Variants in STRA6 observed in about 807,000 individuals in gnomAD.
The protein encoded by STRA6 is receptor for retinol uptake STRA6.
In STRA6, 48 loss-of-function variants were observed where a neutral mutation model predicts 83.6. That is an observed-to-expected ratio of 0.57 (90% CI 0.46 to 0.73). The LOEUF (loss-of-function observed/expected upper bound fraction) is 0.73, where lower values mean the gene tolerates loss of function less well. STRA6 is among the 30% of genes least tolerant of loss of function. The pLI, the probability that STRA6 is intolerant of heterozygous loss-of-function variation, is 0.00. For synonymous variants in STRA6, 353 were observed against 362.3 expected (o/e 0.97, Z 0.29); for missense variants, 760 against 838.8 (o/e 0.91, Z 1.16).
Position 74,189,288 on chromosome 15 carries a change from C to T in STRA6, c.928-11G>A. The T allele has an allele frequency of 2.5e-6, 4 of 1,585,394 alleles. 1 individual carries two copies. The highest frequency in any genetic ancestry group is 1.7e-4 in the Middle Eastern group (1 of 5,928). On this transcript the variant is annotated splice_polypyrimidine_tract_variant and intron_variant, in intron 11 of 18. Coordinates refer to ENST00000395105, the MANE Select transcript of STRA6 (RefSeq NM_022369.4). ...CAGCAGCAGGGCCACCTGGAAGAGC[C>T]CCACAGTGAGGGCCCCATCCCAGGA... is the stretch of plus-strand genomic sequence containing the variant.
intron 8 of STRA6, among the ~76,000 whole-genome samples, chr15:74,193,220 G>T (rs778603915): frequency 1.4e-4 from 22 of 152,066 alleles, no homozygotes; most frequent in African/African-American, 1.9e-4. Flanking sequence ...GAACAAAACA[G>T]ACACAAAACT....
intron 1 of STRA6, 85 bp downstream of exon 1, chr15:74,202,628 G>C: frequency 7.0e-7 from 1 of 1,432,790 alleles, no homozygotes; most frequent in Non-Finnish European, 9.1e-7. Flanking sequence ...CATTTTCAAA[G>C]AAGGCTTGTC....
At chr15:74,200,546 G>A (rs967256758) in intron 2 of STRA6, among the ~76,000 whole-genome samples, 4 of 152,198 alleles carry the variant, frequency 2.6e-5, no homozygotes, top group Admixed American at 6.5e-5. Context: ...TGGGCACTCC[G>A]GAGTTCTTCA....
At chr15:74,185,936 G>A (rs2073225432) in intron 12 of STRA6, among the ~76,000 whole-genome samples, 1 of 152,246 alleles carries the variant, frequency 6.6e-6, no homozygotes, top group Non-Finnish European at 1.5e-5. Flanking sequence ...GTCAGTCCAG[G>A]GAAGTGTTCC....
upstream of STRA6, chr15:74,209,312 G>A: frequency 6.8e-7 from 1 of 1,474,160 alleles, no homozygotes; most frequent in Non-Finnish European, 9.2e-7. Flanking sequence ...TGATGGCTGA[G>A]TTTCCCCAGA....
intron 12 of STRA6, among the ~76,000 whole-genome samples, chr15:74,186,700 G>A (rs1020924991): frequency 6.6e-6 from 1 of 152,218 alleles, no homozygotes; most frequent in Non-Finnish European, 1.5e-5. Context: ...GAACCCAGGA[G>A]GTGGAGGTTG....
In STRA6 at chr15:74,195,470, T is replaced by C. The variant is rs759933321; in HGVS notation, c.431-2A>G. On this transcript the variant is annotated splice_acceptor_variant, in intron 6 of 18. Coordinates refer to ENST00000395105, the MANE Select transcript of STRA6 (RefSeq NM_022369.4). LOFTEE classifies it high-confidence loss of function. ...ACAGTCCCAGTATCTTCCAGGCCCC[T>C]GGAAGGTGAAACAAGCAGAGAGACC... 6.2e-7 allele frequency: 1 copy of C among 1,612,634 alleles called. No individual in the cohort carries two copies. The highest frequency in any genetic ancestry group is 2.2e-5 in the East Asian group (1 of 44,828).
chr15:74,180,284 C>A, intron 18 of STRA6, 41 bp from the exon 19 acceptor site: 1 of 1,612,998 alleles, frequency 6.2e-7, no homozygotes, highest in South Asian at 1.1e-5. Context: ...CAGCAAACAC[C>A]CAGCCAACCC....
In STRA6 at chr15:74,197,793, T is replaced by C. The variant is rs1413010011; in HGVS notation, c.139A>G (p.Ile47Val). ...EGEVPSCHTS[I>V]PPGLYHACLA... is the part of the protein sequence containing the mutation. ...CAGGCGTGGTACAGGCCGGGTGGTATGCTGGTGTGGCAGGAGGGCACTTCC... is the reference window on the plus strand; with the variant it reads ...CAGGCGTGGTACAGGCCGGGTGGTACGCTGGTGTGGCAGGAGGGCACTTCC... The change falls in exon 3 of 19, where the codon ATA becomes GTA. Residue 47 changes from isoleucine to valine, a missense_variant. Transcript: ENST00000395105. 6.2e-7 allele frequency: 1 copy of C among 1,613,544 alleles called. No homozygotes were observed. Among genetic ancestry groups the C allele is most frequent in the Non-Finnish European group, 8.5e-7 (1 of 1,180,030 alleles).
Position 74,179,659 on chromosome 15 carries a change from C to T in STRA6, c.*421G>A, listed in dbSNP as rs921747142. 5.0e-5 allele frequency: 9 copies of T among 178,702 alleles called. No homozygotes were observed. Among genetic ancestry groups the T allele is most frequent in the South Asian group, 1.4e-4 (1 of 7,178 alleles). 11.1% of individuals were successfully genotyped at this position (178,702 alleles called of 1,614,324 possible). On this transcript the variant is annotated 3_prime_UTR_variant, in exon 19 of 19. Transcript: ENST00000395105. ...GGCCACTCCCCAGAGAGGTCCGTGG[C>T]GCTGAGGGGGTGAGGAAGTGCCTTG...
At chr15:74,181,195 G>A (rs2072964537) in intron 17 of STRA6, 100 bp downstream of exon 17, 1 of 1,536,710 alleles carries the variant, frequency 6.5e-7, no homozygotes, top group Non-Finnish European at 8.8e-7. Context: ...ACAGGCATCG[G>A]TGTGAACTGA....
Position 74,195,376 on chromosome 15 carries a change from G to C in STRA6, c.523C>G (p.Leu175Val), listed in dbSNP as rs1251445957. The change falls in exon 7 of 19, where the codon CTC (leucine) becomes GTC (valine). Residue 175 changes from leucine (L) to valine (V), a missense_variant. Physicochemically the swap from Leu to Val is conservative, Grantham distance 32 (BLOSUM62 1). Transcript: ENST00000395105. ...ATAGHTAAHL[L>V]GSTLSWAHLG... is the part of the protein sequence containing the mutation. ...TGGGCCCAGGACAGCGTGCTGCCGAGCAGGTGTGCAGCTGTGTGGCCAGCC... is the reference window on the plus strand; with the variant it reads ...TGGGCCCAGGACAGCGTGCTGCCGACCAGGTGTGCAGCTGTGTGGCCAGCC... 1 of 1,613,672 alleles carries C rather than the reference G, an allele frequency of 6.2e-7. No individual in the cohort carries two copies. Among genetic ancestry groups the C allele is most frequent in the East Asian group, 2.2e-5 (1 of 44,884 alleles).
upstream of STRA6, chr15:74,209,275 C>T: frequency 3.1e-6 from 4 of 1,289,642 alleles, no homozygotes; most frequent in Non-Finnish European, 4.3e-6. Flanking sequence ...TCAGAGTCAC[C>T]TCAGTGGAGA....
intron 11 of STRA6, among the ~76,000 whole-genome samples, 154 bp from the exon 12 acceptor site, chr15:74,189,431 C>T (rs1032984543): frequency 1.1e-4 from 16 of 152,182 alleles, no homozygotes; most frequent in African/African-American, 3.6e-4. Context: ...AGGGATCTCA[C>T]GCCTCTAAAT....
intron 8 of STRA6, among the ~76,000 whole-genome samples, chr15:74,192,596 G>A (rs950398382): frequency 2.0e-5 from 3 of 152,192 alleles, no homozygotes; most frequent in Non-Finnish European, 2.9e-5. Flanking sequence ...TCAGGACCAA[G>A]CATCATCCCA....
chr15:74,181,421 G>T lies in STRA6; in HGVS notation c.1558C>A (p.Leu520Ile). 1 of 1,613,642 alleles carries T rather than the reference G, an allele frequency of 6.2e-7. No individual in the cohort carries two copies. The highest frequency in any genetic ancestry group is 1.3e-5 in the African/African-American group (1 of 74,996). ...ACCATGGCACCCACCAGCACATTGA[G>T]GGGGAAGAGAAGAAAGGTGGCTGCA... ...LYAATFLLFP[L>I]NVLVGAMVAT... Residue 520 changes from leucine (L) to isoleucine (I), a missense_variant, in exon 17 of 19, where the codon CTC becomes ATC. By Grantham distance (5) the Leu-to-Ile change is conservative. Transcript: ENST00000395105.
intron 8 of STRA6, among the ~76,000 whole-genome samples, chr15:74,192,757 T>A (rs1259150015): frequency 6.6e-6 from 1 of 152,238 alleles, no homozygotes; most frequent in Admixed American, 6.5e-5. Flanking sequence ...TCTTAAGACT[T>A]TCTCCTGAGT....
At chr15:74,191,328 C>T in intron 9 of STRA6, 85 bp from the exon 10 acceptor site, 3 of 1,609,082 alleles carry the variant, frequency 1.9e-6, no homozygotes, top group African/African-American at 1.3e-5. Context: ...CATTCTTCCC[C>T]TCTGCCCCTG....
intron 18 of STRA6, among the ~76,000 whole-genome samples, 194 bp from the exon 19 acceptor site, chr15:74,180,437 C>G (rs1301016341): frequency 6.6e-6 from 1 of 152,128 alleles, no homozygotes; most frequent in African/African-American, 2.4e-5. Context: ...GGACAAGGGT[C>G]TGGAGCTGGC....
Sources: gnomAD v4.1 joint callset for allele counts (sites outside exome capture counted in the v4.1 genomes callset) on GRCh38, gnomAD v4.1.1 for gene constraint, MANE v1.5 for transcripts, NCBI Gene and HGNC (gene_info 2026-07-23, HGNC 2026-07-21) for gene names.